The following ZNF385D variants were observed in gnomAD, a reference collection of about 807,000 sequenced individuals.
The protein encoded by ZNF385D is zinc finger protein 659.
In ZNF385D, 15 loss-of-function variants were observed where a neutral mutation model predicts 35.8. The ratio of observed to expected loss-of-function variants is 0.42; its 90% CI spans 0.28 to 0.64. The LOEUF is 0.64. Ranked by LOEUF, ZNF385D falls within the 30% of genes least tolerant of loss-of-function variation. The pLI, the probability that ZNF385D is intolerant of heterozygous loss-of-function variation, is 0.23. For missense variants in ZNF385D, 474 were observed against 494.6 expected, an observed-to-expected ratio of 0.96 and a Z score of 0.39; for synonymous variants, 212 against 186.8, an observed-to-expected ratio of 1.13 and a Z score of -1.10.
At chr3:22,292,484 A>C (rs1207453673) in intron 2 of ZNF385D, among the ~76,000 whole-genome samples, 2 of 152,056 alleles carry the variant, frequency 1.3e-5, no homozygotes, top group East Asian at 3.9e-4. Flanking sequence ...AGGGGATAGT[A>C]CTTGATCGCC....
At chr3:21,903,106 C>A (rs992918285) in intron 3 of ZNF385D, among the ~76,000 whole-genome samples, 1 of 152,062 alleles carries the variant, frequency 6.6e-6, no homozygotes, top group African/African-American at 2.4e-5. Context: ...ATGATTGCAC[C>A]TGTTGCACCA....
chr3:21,513,455 T>C lies in ZNF385D; in HGVS notation c.277-2432A>G, dbSNP rs545367192. ...TATTCACTCGTTTATTGAATGACAGTACCAAAACACCTTGATAATAATTAT... is the reference window on the plus strand; with the variant it reads ...TATTCACTCGTTTATTGAATGACAGCACCAAAACACCTTGATAATAATTAT... On this transcript the variant is annotated intron_variant, in intron 3 of 7. Transcript: ENST00000281523. 5.3e-5 allele frequency among the ~76,000 whole-genome samples: 8 copies of C among 152,278 alleles called. No homozygotes were observed. In the South Asian group the frequency reaches 1.4e-3, roughly 28 times the overall value.
At chr3:22,036,709 GT>G (rs769311209) in intron 3 of ZNF385D, among the ~76,000 whole-genome samples, 13,293 of 133,714 alleles carry the variant, frequency 0.099, 592 homozygotes, top group Middle Eastern at 0.18. Context: ...GCCCTACTAG[GT>G]TTTTTTTTTT....
intron 2 of ZNF385D, among the ~76,000 whole-genome samples, chr3:22,292,540 C>T (rs1166981816): frequency 1.3e-5 from 2 of 151,920 alleles, no homozygotes; most frequent in African/African-American, 2.4e-5. Context: ...TTTTGTAGAC[C>T]TCTATTTAAA....
upstream of ZNF385D, chr3:21,751,314 C>T (rs567449441): frequency 3.7e-6 from 4 of 1,067,334 alleles, no homozygotes; most frequent in African/African-American, 6.8e-5. Flanking sequence ...CCATGGCTCT[C>T]GGGAAGCTTT....
chr3:21,556,086 TTGTAAATTTAAGTTC>T, intron 3 of ZNF385D, among the ~76,000 whole-genome samples: 2 of 148,744 alleles, frequency 1.3e-5, no homozygotes, highest in African/African-American at 2.5e-5. Context: ...TTTTTTTTTT[TTGTAAATTTAAGTTC>T]TTTGTAGATT....
At chr3:21,718,361 C>G (rs907260905) in intron 1 of ZNF385D, among the ~76,000 whole-genome samples, 3 of 152,174 alleles carry the variant, frequency 2.0e-5, no homozygotes, top group African/African-American at 7.2e-5. Context: ...AGGGACATTC[C>G]TGAAAGCCCA....
chr3:21,720,323 G>A (rs2068488779), intron 1 of ZNF385D, among the ~76,000 whole-genome samples: 1 of 152,200 alleles, frequency 6.6e-6, no homozygotes, highest in African/African-American at 2.4e-5. Context: ...GGAGGCTGAG[G>A]CAGGAGGATC....
At chr3:21,614,395 C>A (rs1451255085) in intron 2 of ZNF385D, among the ~76,000 whole-genome samples, 3 of 152,176 alleles carry the variant, frequency 2.0e-5, no homozygotes, top group African/African-American at 4.8e-5. Flanking sequence ...AATTTAAATA[C>A]CTTTTTAGAG....
intron 2 of ZNF385D, among the ~76,000 whole-genome samples, chr3:22,200,035 C>A (rs1158344072): frequency 6.6e-6 from 1 of 152,016 alleles, no homozygotes; most frequent in Non-Finnish European, 1.5e-5. Context: ...TAGGTGGAGA[C>A]TGTGTCAGCA....
chr3:21,485,729 A>G (rs915124476), intron 4 of ZNF385D, among the ~76,000 whole-genome samples: 13 of 151,946 alleles, frequency 8.6e-5, no homozygotes, highest in African/African-American at 3.1e-4. Context: ...CAGAACACCT[A>G]CTATGTGGCA....
At chr3:22,049,472 T>C (rs1699213238) in intron 3 of ZNF385D, among the ~76,000 whole-genome samples, 1 of 152,068 alleles carries the variant, frequency 6.6e-6, no homozygotes, top group Non-Finnish European at 1.5e-5. Context: ...AGTGTACCCA[T>C]GTCCTCCACC....
chr3:21,609,515 T>A (rs1197243748), intron 2 of ZNF385D, among the ~76,000 whole-genome samples: 1 of 152,170 alleles, frequency 6.6e-6, no homozygotes, highest in East Asian at 1.9e-4. Flanking sequence ...GCCAAATAAA[T>A]TCTAGACACC....
intron 3 of ZNF385D, among the ~76,000 whole-genome samples, chr3:21,872,114 C>A (rs2630810): frequency 6.6e-6 from 1 of 151,894 alleles, no homozygotes; most frequent in Non-Finnish European, 1.5e-5. Flanking sequence ...TATTTAAGGT[C>A]TTCATTTGTA....
chr3:21,582,182 C>T (rs1411737255), intron 2 of ZNF385D, among the ~76,000 whole-genome samples: 1 of 152,184 alleles, frequency 6.6e-6, no homozygotes, highest in Non-Finnish European at 1.5e-5. Context: ...TCCTTCACAT[C>T]ATACTGACTC....
chr3:21,577,780 A>G (rs1177240292), intron 2 of ZNF385D, among the ~76,000 whole-genome samples: 1 of 145,998 alleles, frequency 6.8e-6, no homozygotes, highest in Non-Finnish European at 1.5e-5. Context: ...AGCATTTTTC[A>G]TATACTTGTT....
intron 3 of ZNF385D, among the ~76,000 whole-genome samples, chr3:22,123,738 G>A (rs185911075): frequency 6.6e-6 from 1 of 152,006 alleles, no homozygotes; most frequent in Non-Finnish European, 1.5e-5. Flanking sequence ...GTGGGCACCT[G>A]TAATCTCAGC....
intron 3 of ZNF385D, among the ~76,000 whole-genome samples, chr3:22,077,737 T>C (rs1227377911): frequency 2.6e-5 from 4 of 152,044 alleles, no homozygotes; most frequent in Non-Finnish European, 5.9e-5. Flanking sequence ...GCTGCCTACA[T>C]AATTTCTACC....
intron 3 of ZNF385D, among the ~76,000 whole-genome samples, chr3:21,956,765 T>G (rs1702313086): frequency 6.6e-6 from 1 of 151,758 alleles, no homozygotes; most frequent in African/African-American, 2.4e-5. Context: ...AAAAGATGGA[T>G]GCATGACTGC....
Sources: allele counts gnomAD v4.1 joint callset (sites outside exome capture counted in the v4.1 genomes callset), GRCh38; gene constraint gnomAD v4.1.1; transcripts MANE v1.5; gene names NCBI Gene and HGNC (gene_info 2026-07-23, HGNC 2026-07-21).